The following M1AP variants were observed in gnomAD, a reference collection of about 807,000 sequenced individuals.
The protein encoded by M1AP is meiosis 1 arrest protein.
Under a neutral mutation model 51.2 loss-of-function variants are expected in M1AP, and 39 were observed. The ratio of observed to expected loss-of-function variants is 0.76; its 90% CI spans 0.59 to 1.00. The LOEUF (loss-of-function observed/expected upper bound fraction) is 1.00, where lower values mean the gene tolerates loss of function less well. M1AP is among the 50% of genes least tolerant of loss of function. The pLI, the probability that M1AP is intolerant of heterozygous loss-of-function variation, is 0.00. For synonymous variants in M1AP, 251 were observed against 249.2 expected, an observed-to-expected ratio of 1.01 and a Z score of -0.07; for missense variants, 545 against 641.2, an observed-to-expected ratio of 0.85 and a Z score of 1.62.
chr2:74,559,026 A>T lies in M1AP; in HGVS notation c.1435-152T>A. ...GAGGACAGTGATCTGGAGTCCCTTA[A>T]GCCCAGCCTCCACAGTGCCTGTCTC... On this transcript the variant is annotated intron_variant, in intron 10 of 10. Transcript: ENST00000421985. The T allele has an allele frequency of 4.2e-6, 3 of 720,386 alleles. No homozygotes were observed. In the South Asian group the frequency reaches 7.1e-5, roughly 17 times the overall value. 44.6% of individuals were successfully genotyped at this position (720,386 alleles called of 1,614,324 possible).
chr2:74,594,568 G>A (rs1231352494), intron 4 of M1AP, among the ~76,000 whole-genome samples: 1 of 152,144 alleles, frequency 6.6e-6, no homozygotes, highest in Non-Finnish European at 1.5e-5. Flanking sequence ...AATTTCCCAA[G>A]TTGGGTTAAG....
intron 1 of M1AP, among the ~76,000 whole-genome samples, chr2:74,642,875 T>C (rs1683370896): frequency 6.6e-6 from 1 of 152,186 alleles, no homozygotes; most frequent in Non-Finnish European, 1.5e-5. Context: ...TGTATAGAAA[T>C]ATAGTTAATT....
At chr2:74,619,612 G>GT (rs1681885717) in intron 2 of M1AP, among the ~76,000 whole-genome samples, 1 of 152,150 alleles carries the variant, frequency 6.6e-6, no homozygotes, top group African/African-American at 2.4e-5. Context: ...ATGCAAGGAA[G>GT]TTTTTTCCTA....
intron 7 of M1AP, among the ~76,000 whole-genome samples, chr2:74,572,403 C>T (rs371022093): frequency 1.5e-4 from 23 of 152,184 alleles, no homozygotes; most frequent in South Asian, 6.2e-4. Flanking sequence ...TCACTGCAGC[C>T]TTGAACTCCT....
chr2:74,645,423 T>C (rs1394655729), intron 1 of M1AP, among the ~76,000 whole-genome samples: 1 of 152,156 alleles, frequency 6.6e-6, no homozygotes, highest in Admixed American at 6.5e-5. Context: ...TTAGTTTTGA[T>C]AGTGAGGTAG....
chr2:74,570,425 A>C (rs1678665348), intron 7 of M1AP, among the ~76,000 whole-genome samples: 1 of 152,232 alleles, frequency 6.6e-6, no homozygotes, highest in Non-Finnish European at 1.5e-5. Flanking sequence ...GAAGCGATAG[A>C]AAAGGCACTA....
intron 7 of M1AP, among the ~76,000 whole-genome samples, chr2:74,566,057 T>A (rs1678363329): frequency 2.0e-5 from 3 of 152,170 alleles, no homozygotes; most frequent in Non-Finnish European, 4.4e-5. Context: ...TCTTGCTACT[T>A]CTATTCACTA....
chr2:74,640,090 G>A lies in M1AP; in HGVS notation c.186C>T (p.Ser62=). Residue 62 remains serine, a synonymous_variant, in exon 2 of 11, where the codon TCC becomes TCT. Coordinates refer to ENST00000421985, the MANE Select transcript of M1AP (RefSeq NM_001321739.2). The part of the protein sequence containing the change: ...ACSLMGPSRM[S]LFSLYMVQDQ... ...CTTGTACCATGTATAAACTGAACAG[G>A]GACATGCGGCTGGGGCCCATCAAGC... 8 of 1,614,168 alleles carry A rather than the reference G, an allele frequency of 5.0e-6. No individual in the cohort carries two copies. Among genetic ancestry groups the A allele is most frequent in the South Asian group, 1.1e-5 (1 of 91,082 alleles).
chr2:74,579,465 G>A (rs1357881676), intron 5 of M1AP, among the ~76,000 whole-genome samples: 6 of 152,328 alleles, frequency 3.9e-5, no homozygotes, highest in African/African-American at 7.2e-5. Context: ...GATCCTAAGG[G>A]TTAAGAGTGG....
chr2:74,597,276 C>G (rs1477230201), intron 4 of M1AP, among the ~76,000 whole-genome samples: 1 of 152,166 alleles, frequency 6.6e-6, no homozygotes, highest in African/African-American at 2.4e-5. Context: ...AAATGTCTCT[C>G]TGTGTTAAAA....
chr2:74,648,280 G>T lies in M1AP; in HGVS notation c.-68C>A. 3.0e-6 allele frequency: 3 copies of T among 985,378 alleles called. No homozygotes were observed. Among genetic ancestry groups the T allele is most frequent in the Non-Finnish European group, 3.6e-6 (3 of 829,864 alleles). The allele number at this position is 985,378 out of a possible 1,614,324, so 61.0% of individuals were successfully genotyped here. ...AGAACCGTACCTGTCTTCGGAAGAC[G>T]GAGGCCCCCTCACCTGGTCCTCCCG... On this transcript the variant is annotated 5_prime_UTR_variant, in exon 1 of 11. Transcript: ENST00000421985.
intron 4 of M1AP, among the ~76,000 whole-genome samples, chr2:74,596,069 T>C (rs893512369): frequency 6.6e-6 from 1 of 152,062 alleles, no homozygotes; most frequent in East Asian, 1.9e-4. Context: ...GGAAGAAAGA[T>C]GAAAAACAGG....
rs116689357 is a variant in M1AP, at chr2:74,581,064, C to T, written c.769+610G>A. ...TGGGACCTGGAATGAAGTATAATTG[C>T]CAGGCAGAACAGTATCCATTATCCA... On this transcript the variant is annotated intron_variant, in intron 5 of 10. Transcript: ENST00000421985. Among the ~76,000 whole-genome samples the T allele has an allele frequency of 4.8e-3, 737 of 152,222 alleles. 6 individuals are homozygous for T. The highest frequency in any genetic ancestry group is 0.017 in the African/African-American group (697 of 41,512).
chr2:74,567,274 A>G (rs1166497305), intron 7 of M1AP, among the ~76,000 whole-genome samples: 2 of 152,242 alleles, frequency 1.3e-5, no homozygotes, highest in East Asian at 3.8e-4. Flanking sequence ...TACAGCCAGG[A>G]TTAGATAAGC....
intron 2 of M1AP, among the ~76,000 whole-genome samples, chr2:74,630,667 C>T (rs1682653096): frequency 6.6e-6 from 1 of 152,126 alleles, no homozygotes; most frequent in South Asian, 2.1e-4. Context: ...TGATCTCATT[C>T]CTTTTTATGG....
intron 2 of M1AP, among the ~76,000 whole-genome samples, chr2:74,636,716 A>G (rs1683008685): frequency 1.3e-5 from 2 of 152,116 alleles, no homozygotes; most frequent in South Asian, 4.1e-4. Flanking sequence ...AATGAAGTGT[A>G]GAAAACTTAC....
rs374549837 is a variant in M1AP at position 74,563,587 on chromosome 2, G to A, written c.1075-1164C>T. Among the ~76,000 whole-genome samples, 58 of 132,300 alleles carry A rather than the reference G, an allele frequency of 4.4e-4. No individual in the cohort carries two copies. In the East Asian group the frequency reaches 0.011, roughly 24 times the overall value. 86.8% of individuals were successfully genotyped at this position (132,300 alleles called of 152,430 possible). On this transcript the variant is annotated intron_variant, in intron 7 of 10. Transcript: ENST00000421985. ...GCACTACAGCCTGGGCAATAAGAGC[G>A]AAACTCTGTCTCAAAACATAAAAAA...
At chr2:74,592,383 C>G (rs942034895) in intron 4 of M1AP, among the ~76,000 whole-genome samples, 1 of 152,124 alleles carries the variant, frequency 6.6e-6, no homozygotes, top group African/African-American at 2.4e-5. Context: ...ATTATCATTT[C>G]TCTAATTATG....
intron 8 of M1AP, among the ~76,000 whole-genome samples, chr2:74,561,196 GAGAAGGAGGAGGAGGAGGAGA>G (rs1677956705): frequency 7.6e-6 from 1 of 131,224 alleles, no homozygotes; most frequent in Non-Finnish European, 1.6e-5. Flanking sequence ...GGAGGAGGAG[GAGAAGGAGGAGGAGGAGGAGA>G]AGGAGGAGGA....
Sources: gnomAD v4.1 joint callset for allele counts (sites outside exome capture counted in the v4.1 genomes callset) on GRCh38, gnomAD v4.1.1 for gene constraint, MANE v1.5 for transcripts, NCBI Gene and HGNC (gene_info 2026-07-23, HGNC 2026-07-21) for gene names.